Variants in INSC observed in about 807,000 individuals in gnomAD.
The protein encoded by INSC is INSC spindle orientation adaptor protein, also known as protein inscuteable homolog.
In INSC, 67 loss-of-function variants were observed where a neutral mutation model predicts 58.6. The ratio of observed to expected loss-of-function variants is 1.14; its 90% CI spans 0.94 to 1.40. The LOEUF is 1.40. INSC is among the 40% of genes most tolerant of loss of function. INSC has a pLI of 0.00. For missense variants in INSC, 714 were observed against 692.0 expected, an observed-to-expected ratio of 1.03 and a Z score of -0.36; for synonymous variants, 262 against 276.1, an observed-to-expected ratio of 0.95 and a Z score of 0.51.
the INSC span, among the ~76,000 whole-genome samples, chr11:15,266,728 G>A: frequency 6.6e-6 from 1 of 151,966 alleles, no homozygotes; most frequent in East Asian, 1.9e-4. Flanking sequence ...TCATCATAAA[G>A]TGGAAAAGGT....
chr11:15,253,165 C>T, the INSC span, among the ~76,000 whole-genome samples: 1 of 152,150 alleles, frequency 6.6e-6, no homozygotes, highest in Admixed American at 6.5e-5. Context: ...AAGGAAAATG[C>T]AACAAACAGA....
chr11:15,166,673 T>A (rs181160199), intron 2 of INSC, among the ~76,000 whole-genome samples: 18 of 152,348 alleles, frequency 1.2e-4, no homozygotes, highest in Middle Eastern at 3.4e-3. Flanking sequence ...ACTATGCATG[T>A]CTCCCAGGCA....
upstream of INSC, among the ~76,000 whole-genome samples, chr11:15,113,845 C>T (rs1026272058): frequency 3.9e-5 from 6 of 152,166 alleles, no homozygotes; most frequent in African/African-American, 1.4e-4. Flanking sequence ...AGATTATTAG[C>T]ATTAAGGAAG....
intron 1 of INSC, among the ~76,000 whole-genome samples, chr11:15,123,762 T>C (rs1847926594): frequency 6.6e-6 from 1 of 152,210 alleles, no homozygotes; most frequent in African/African-American, 2.4e-5. Flanking sequence ...TTGTAGACCA[T>C]ACAGGAGATA....
chr11:15,250,652 G>A (rs747569741), downstream of INSC, among the ~76,000 whole-genome samples: 1 of 152,130 alleles, frequency 6.6e-6, no homozygotes, highest in African/African-American at 2.4e-5. Flanking sequence ...CCTAGTGTTG[G>A]TGTCTATCTC....
At chr11:15,212,187 C>T (rs1714332) in intron 7 of INSC, among the ~76,000 whole-genome samples, 42,207 of 152,002 alleles carry the variant, frequency 0.28, 6,497 homozygotes, top group Non-Finnish European at 0.35. Flanking sequence ...CTGCAACCTC[C>T]GCCTCCCGGG....
chr11:15,236,218 G>C (rs955345422), intron 10 of INSC, among the ~76,000 whole-genome samples: 36 of 151,926 alleles, frequency 2.4e-4, no homozygotes, highest in African/African-American at 4.8e-5. Flanking sequence ...TAAGAAGATA[G>C]CAAATGTCCA....
At chr11:15,127,868 G>A (rs931096065) in intron 1 of INSC, among the ~76,000 whole-genome samples, 9 of 152,134 alleles carry the variant, frequency 5.9e-5, no homozygotes, top group African/African-American at 1.7e-4. Flanking sequence ...GGAGGTGTGC[G>A]CCTGTAATCC....
intron 1 of INSC, among the ~76,000 whole-genome samples, chr11:15,144,684 GC>G (rs1366957369): frequency 2.0e-5 from 3 of 152,148 alleles, no homozygotes; most frequent in Non-Finnish European, 4.4e-5. Context: ...ACCTGGATTG[GC>G]CCATTAGACA....
chr11:15,170,966 A>G (rs544286080), intron 2 of INSC, among the ~76,000 whole-genome samples: 1 of 152,378 alleles, frequency 6.6e-6, no homozygotes, highest in South Asian at 2.1e-4. Flanking sequence ...TGAATCGATT[A>G]GGAGTTTAAT....
At chr11:15,221,226 T>A (rs1357535351) in intron 7 of INSC, among the ~76,000 whole-genome samples, 1 of 151,864 alleles carries the variant, frequency 6.6e-6, no homozygotes, top group Non-Finnish European at 1.5e-5. Flanking sequence ...ATGTCCGCTA[T>A]CTAGGAGGCC....
intron 7 of INSC, among the ~76,000 whole-genome samples, chr11:15,203,729 A>T (rs1057444365): frequency 1.3e-5 from 2 of 152,182 alleles, no homozygotes; most frequent in Non-Finnish European, 2.9e-5. Context: ...GTCTTCATGG[A>T]GATTACATTC....
chr11:15,147,940 G>A (rs78117364), intron 1 of INSC, among the ~76,000 whole-genome samples: 8,499 of 152,290 alleles, frequency 0.056, 263 homozygotes, highest in Non-Finnish European at 0.07. Context: ...ATGTGCCCAG[G>A]CAAAGGTGAC....
At chr11:15,176,181 G>C in intron 3 of INSC, 95 bp downstream of exon 3, 1 of 1,050,962 alleles carries the variant, frequency 9.5e-7, no homozygotes, top group Non-Finnish European at 1.3e-6. Flanking sequence ...AATCTTTTTT[G>C]CTCCAGAAGC....
At chr11:15,134,484 G>C (rs1848196071) in intron 1 of INSC, among the ~76,000 whole-genome samples, 2 of 152,148 alleles carry the variant, frequency 1.3e-5, no homozygotes, top group South Asian at 4.1e-4. Flanking sequence ...AATGTTTGTA[G>C]GTATTTACTC....
intron 12 of INSC, chr11:15,241,544 C>G (rs1852355700): frequency 1.4e-6 from 1 of 702,124 alleles, no homozygotes; most frequent in Admixed American, 2.0e-5. Flanking sequence ...TGGAATGATT[C>G]TGCGTTCCAT....
At chr11:15,190,915 C>CTGT in intron 6 of INSC, 101 bp downstream of exon 6, 4 of 751,608 alleles carry the variant, frequency 5.3e-6, no homozygotes, top group Non-Finnish European at 2.4e-6. Flanking sequence ...TGTCTTGGCC[C>CTGT]CTGCATTAGC....
At position 15,180,024 on chromosome 11, in the gene INSC, A is replaced by G. The variant is rs1478251270; in HGVS notation, c.579+1577A>G. On this transcript the variant is annotated intron_variant, in intron 5 of 12. Coordinates refer to ENST00000379556, the MANE Select transcript of INSC (RefSeq NM_001042536.3). Reference sequence around the variant, plus strand: ...GTAATTCCAGCACTTTGGGAGGCCAAGGCGGGCAGATCACGAGGTCAGGAG... The same window carrying G: ...GTAATTCCAGCACTTTGGGAGGCCAGGGCGGGCAGATCACGAGGTCAGGAG... 2.6e-5 allele frequency among the ~76,000 whole-genome samples: 4 copies of G among 152,212 alleles called. No homozygotes were observed. The East Asian group carries it at 5.8e-4, about 22-fold the overall frequency.
chr11:15,267,620 A>C, the INSC span, among the ~76,000 whole-genome samples: 1 of 151,898 alleles, frequency 6.6e-6, no homozygotes, highest in African/African-American at 2.4e-5. Flanking sequence ...ATGTCTTCAC[A>C]TGCTCTTTCT....
Sources: gnomAD v4.1 joint callset for allele counts (sites outside exome capture counted in the v4.1 genomes callset) on GRCh38, gnomAD v4.1.1 for gene constraint, MANE v1.5 for transcripts, NCBI Gene and HGNC (gene_info 2026-07-23, HGNC 2026-07-21) for gene names.